The following ZNF91 variants were observed in gnomAD, a reference collection of about 807,000 sequenced individuals.
ZNF91 encodes zinc finger protein 91, also known as zinc finger protein 91 (HPF7, HTF10).
ZNF91 carries 7 observed loss-of-function variants against 12.6 expected under a neutral mutation model. That is an observed-to-expected ratio of 0.55 (90% CI 0.31 to 1.04). The LOEUF (loss-of-function observed/expected upper bound fraction) is 1.04, where lower values mean the gene tolerates loss of function less well. Ranked by LOEUF, ZNF91 falls within the 50% of genes least tolerant of loss-of-function variation. ZNF91 has a pLI of 0.05. For synonymous variants in ZNF91, 453 were observed against 462.6 expected (o/e 0.98, Z 0.27); for missense variants, 1,217 against 1,385.4 (o/e 0.88, Z 1.93).
Position 23,359,742 on chromosome 19 carries a change from T to C in ZNF91, c.3237A>G (p.Lys1079=). ...KRIHTREKPY[K]CEECGKAFSQ... ...TAAATGCTTTGCCACATTCTTCACA[T>C]TTGTAGGGTTTCTCTCTAGTATGAA... The change falls in exon 4 of 4, where the codon AAA becomes AAG. Residue 1079 remains lysine (K), a synonymous_variant. Coordinates refer to ENST00000300619, the MANE Select transcript of ZNF91 (RefSeq NM_003430.4). 1 of 1,614,022 alleles carries C rather than the reference T, an allele frequency of 6.2e-7. No homozygotes were observed. Among genetic ancestry groups the C allele is most frequent in the South Asian group, 1.1e-5 (1 of 91,072 alleles).
chr19:23,393,061 TTG>T (rs1281736736), intron 1 of ZNF91, among the ~76,000 whole-genome samples: 2 of 152,074 alleles, frequency 1.3e-5, no homozygotes, highest in Non-Finnish European at 2.9e-5. Flanking sequence ...GGGTTTTTTT[TTG>T]TTTTTTGTCT....
intron 1 of ZNF91, among the ~76,000 whole-genome samples, chr19:23,383,779 T>C (rs1383529966): frequency 6.6e-6 from 1 of 151,960 alleles, no homozygotes; most frequent in African/African-American, 2.4e-5. Context: ...AACATAAAAT[T>C]GGAAGTCCTG....
intron 2 of ZNF91, chr19:23,307,477 A>T (rs1445814287): frequency 1.3e-5 from 2 of 152,208 alleles, no homozygotes; most frequent in African/African-American, 4.8e-5. Context: ...CCTCTGCCCA[A>T]ACAAGTAACA....
intron 1 of ZNF91, among the ~76,000 whole-genome samples, chr19:23,379,708 T>TG (rs1969626807): frequency 7.2e-6 from 1 of 138,904 alleles, no homozygotes. Context: ...CTGCTTAAGG[T>TG]AGACTTTCAC....
intron 3 of ZNF91, among the ~76,000 whole-genome samples, chr19:23,346,401 A>C (rs986855395): frequency 6.6e-6 from 1 of 152,112 alleles, no homozygotes; most frequent in Admixed American, 6.6e-5. Context: ...TGGTCCCTGG[A>C]TGCCACCATC....
intron 1 of ZNF91, 31 bp downstream of exon 1, chr19:23,395,294 T>G: frequency 6.2e-7 from 1 of 1,611,290 alleles, no homozygotes; most frequent in Non-Finnish European, 8.5e-7. Context: ...CCCCGTTCCC[T>G]CTCTCGGGAC....
At chr19:23,377,196 C>T (rs1969533430) in intron 1 of ZNF91, among the ~76,000 whole-genome samples, 1 of 152,122 alleles carries the variant, frequency 6.6e-6, no homozygotes, top group Non-Finnish European at 1.5e-5. Flanking sequence ...GAACAGGTTC[C>T]TGGACCACCC....
At chr19:23,338,447 C>T (rs1398971495), downstream of ZNF91, 1 of 151,932 alleles carries the variant, frequency 6.6e-6, no homozygotes, top group African/African-American at 2.4e-5. Flanking sequence ...AATATAAAGT[C>T]TTACCCTGAC....
At chr19:23,353,567 A>G (rs1968417937), downstream of ZNF91, among the ~76,000 whole-genome samples, 1 of 152,196 alleles carries the variant, frequency 6.6e-6, no homozygotes, top group South Asian at 2.1e-4. Context: ...AGAACAAACC[A>G]AACCGAAACC....
chr19:23,361,595 AG>A lies in ZNF91; in HGVS notation c.1383del (p.Phe462SerfsTer16). The A allele has an allele frequency of 6.2e-7, 1 of 1,613,758 alleles. No homozygotes were observed. The highest frequency in any genetic ancestry group is 1.7e-5 in the Admixed American group (1 of 60,010). ...KHKRFHTREK[P>X]FKCKECGKAF... is the part of the protein sequence containing the mutation. ...GCTTTGCCACATTCTTTACATTTGA[AG>A]GGTTTCTCTCTAGTATGAAATCTTT... On this transcript the variant is annotated frameshift_variant, in exon 4 of 4. Transcript: ENST00000300619. LOFTEE classifies it low-confidence loss of function (END_TRUNC).
chr19:23,350,473 T>C (rs1968335095), intron 3 of ZNF91, among the ~76,000 whole-genome samples: 3 of 152,196 alleles, frequency 2.0e-5, no homozygotes, highest in East Asian at 1.9e-4. Flanking sequence ...AATGACACGA[T>C]GGATACCAAC....
intron 3 of ZNF91, among the ~76,000 whole-genome samples, chr19:23,369,803 G>A (rs1263113287): frequency 4.0e-5 from 6 of 150,490 alleles, no homozygotes; most frequent in Non-Finnish European, 8.9e-5. Context: ...ATGCTTGAAG[G>A]CAGCATGCTC....
chr19:23,323,434 ATTC>A (rs1476010085), intron 1 of ZNF91, among the ~76,000 whole-genome samples: 5 of 112,338 alleles, frequency 4.5e-5, no homozygotes, highest in African/African-American at 7.7e-5. Flanking sequence ...CCTTCTCCCC[ATTC>A]TTTTCCTTTT....
At position 23,333,158 on chromosome 19, in the gene ZNF91, A is replaced by G. The variant is rs1967953856; in HGVS notation, n.117-24061T>C. Among the ~76,000 whole-genome samples the G allele has an allele frequency of 1.3e-5, 2 of 152,212 alleles. 1 individual carries two copies. Among genetic ancestry groups the G allele is most frequent in the South Asian group, 4.1e-4 (2 of 4,826 alleles). ...TGGAAGTGCTGAGCCCTATTCAAGG[A>G]CCCATATGAAACCTCCTTTTGAAGA... On this transcript the variant is annotated intron_variant and non_coding_transcript_variant, in intron 1 of 1. Transcript: ENST00000596528.
intron 1 of ZNF91, among the ~76,000 whole-genome samples, chr19:23,321,418 T>C (rs1173648869): frequency 6.6e-6 from 1 of 152,162 alleles, no homozygotes; most frequent in African/African-American, 2.4e-5. Flanking sequence ...CTCTTCTGCC[T>C]GGGCCCAGCC....
chr19:23,356,399 T>C (rs559511286), downstream of ZNF91, among the ~76,000 whole-genome samples: 2 of 152,246 alleles, frequency 1.3e-5, no homozygotes, highest in African/African-American at 4.8e-5. Flanking sequence ...CATATATATA[T>C]GTTGGAATAC....
intron 1 of ZNF91, among the ~76,000 whole-genome samples, chr19:23,391,905 A>T (rs916517290): frequency 6.6e-6 from 1 of 152,170 alleles, no homozygotes; most frequent in Non-Finnish European, 1.5e-5. Context: ...TTTCTATGTC[A>T]GAGTTATTAA....
In ZNF91 at chr19:23,381,496, T is replaced by G. The variant is rs145421833; in HGVS notation, c.31-6732A>C. Among the ~76,000 whole-genome samples, 1,251 of 150,510 alleles carry G rather than the reference T, an allele frequency of 8.3e-3. 16 individuals are homozygous for G. Among genetic ancestry groups the G allele is most frequent in the African/African-American group, 0.029 (1,177 of 41,090 alleles). On this transcript the variant is annotated intron_variant, in intron 1 of 3. Transcript: ENST00000300619. ...TTTTTTTTGAGACTGAGTTTTGCTCTCATTGCCCAGGCTGGAGTGCAACGG... is the reference window on the plus strand; with the variant it reads ...TTTTTTTTGAGACTGAGTTTTGCTCGCATTGCCCAGGCTGGAGTGCAACGG...
chr19:23,320,269 C>A lies in ZNF91; in HGVS notation n.117-11172G>T, dbSNP rs143833214. Among the ~76,000 whole-genome samples, 4 of 152,332 alleles carry A rather than the reference C, an allele frequency of 2.6e-5. No homozygotes were observed. The East Asian group carries it at 7.7e-4, about 29-fold the overall frequency. Reference sequence around the variant, plus strand: ...ACAGCCAATTGGGGAGGTGTTGACTCTCATACCTGAGCTTAGACTGACACG... The same window carrying A: ...ACAGCCAATTGGGGAGGTGTTGACTATCATACCTGAGCTTAGACTGACACG... On this transcript the variant is annotated intron_variant and non_coding_transcript_variant, in intron 1 of 1. Coordinates refer to the ZNF91 transcript ENST00000596528.
Sources: gnomAD v4.1 joint callset for allele counts (sites outside exome capture counted in the v4.1 genomes callset) on GRCh38, gnomAD v4.1.1 for gene constraint, MANE v1.5 for transcripts, NCBI Gene and HGNC (gene_info 2026-07-23, HGNC 2026-07-21) for gene names.